NUBPL: variants seen among roughly 807,000 people sequenced by gnomAD.
NUBPL encodes NUBP iron-sulfur cluster assembly factor, mitochondrial.
A neutral mutation model predicts 45.7 loss-of-function variants in NUBPL; 31 were observed. That is an observed-to-expected ratio of 0.68 (90% confidence interval 0.51 to 0.92). The LOEUF (loss-of-function observed/expected upper bound fraction) is 0.92. Among genes scored for constraint, NUBPL ranks in the 40% least tolerant of loss-of-function variants. The pLI is 0.00. For missense variants in NUBPL, 401 were observed against 398.7 expected, an observed-to-expected ratio of 1.01 and a Z score of -0.05; for synonymous variants, 144 against 140.9, an observed-to-expected ratio of 1.02 and a Z score of -0.15.
chr14:31,722,270 A>G (rs1204943689), intron 6 of NUBPL, among the ~76,000 whole-genome samples: 3 of 152,140 alleles, frequency 2.0e-5, no homozygotes, highest in Non-Finnish European at 4.4e-5. Flanking sequence ...TTGGCCTCCC[A>G]AAGTGCTGGG....
chr14:31,757,722 T>A (rs1374424889), intron 6 of NUBPL, among the ~76,000 whole-genome samples: 1 of 152,186 alleles, frequency 6.6e-6, no homozygotes, highest in African/African-American at 2.4e-5. Context: ...TTCTTTTTGC[T>A]TTTTCTTCTT....
rs2035254063 is a variant in NUBPL, at chr14:31,628,109, T to C, written c.382+28730T>C. On this transcript the variant is annotated intron_variant, in intron 4 of 10. Transcript: ENST00000281081. ...GAAAATCCAGCCCCATACAGACATG[T>C]AGTTGTAAAAAAGAAGAATATTTTA... 2.0e-5 allele frequency among the ~76,000 whole-genome samples: 3 copies of C among 152,190 alleles called. No homozygotes were observed. In the South Asian group the frequency reaches 6.2e-4, roughly 31 times the overall value.
intron 6 of NUBPL, among the ~76,000 whole-genome samples, chr14:31,736,415 A>G (rs749753414): frequency 6.6e-6 from 1 of 152,200 alleles, no homozygotes; most frequent in Non-Finnish European, 1.5e-5. Context: ...GGTAACCAGT[A>G]TATGACTTCT....
At chr14:31,564,741 A>G (rs2033391665) in intron 2 of NUBPL, among the ~76,000 whole-genome samples, 1 of 152,186 alleles carries the variant, frequency 6.6e-6, no homozygotes, top group Non-Finnish European at 1.5e-5. Flanking sequence ...TGTAACAGAA[A>G]TGGATTTTTA....
chr14:31,584,674 T>C (rs1333690930), intron 3 of NUBPL, among the ~76,000 whole-genome samples: 1 of 152,196 alleles, frequency 6.6e-6, no homozygotes, highest in Admixed American at 6.5e-5. Context: ...ATTTGCCTAT[T>C]TGGGATATTT....
At chr14:31,652,303 A>G (rs2036028230) in intron 4 of NUBPL, among the ~76,000 whole-genome samples, 1 of 152,190 alleles carries the variant, frequency 6.6e-6, no homozygotes, top group African/African-American at 2.4e-5. Flanking sequence ...AAATGGGAGA[A>G]TGGGGAGATA....
intron 6 of NUBPL, among the ~76,000 whole-genome samples, chr14:31,745,371 G>A (rs538803838): frequency 6.6e-6 from 1 of 150,466 alleles, no homozygotes; most frequent in East Asian, 1.9e-4. Context: ...TCCCTACAAA[G>A]GACATGGACT....
chr14:31,636,311 A>G (rs1202575260), intron 4 of NUBPL, among the ~76,000 whole-genome samples: 5 of 151,766 alleles, frequency 3.3e-5, no homozygotes. Context: ...GCGTTGTTGA[A>G]TTTTGTCAAA....
intron 4 of NUBPL, chr14:31,662,201 G>GCT (rs940486274): frequency 1.1e-4 from 16 of 151,540 alleles, no homozygotes; most frequent in African/African-American, 3.9e-4. Flanking sequence ...ACATTTCTGA[G>GCT]CTTTCAATTT....
intron 3 of NUBPL, among the ~76,000 whole-genome samples, chr14:31,598,536 A>G (rs913447804): frequency 6.6e-6 from 1 of 152,196 alleles, no homozygotes; most frequent in Non-Finnish European, 1.5e-5. Flanking sequence ...AAAAAGAGAC[A>G]TATTTTTTAA....
chr14:31,691,297 A>G (rs1432796142), intron 6 of NUBPL, among the ~76,000 whole-genome samples: 1 of 152,232 alleles, frequency 6.6e-6, no homozygotes, highest in Non-Finnish European at 1.5e-5. Context: ...TTCCTTAATA[A>G]CATTTTCTTT....
At chr14:31,727,276 A>G (rs752198110) in intron 6 of NUBPL, among the ~76,000 whole-genome samples, 4 of 152,212 alleles carry the variant, frequency 2.6e-5, no homozygotes, top group Non-Finnish European at 5.9e-5. Flanking sequence ...AAATATGATG[A>G]ATTCAAGTTG....
chr14:31,685,986 G>T (rs188810426), intron 6 of NUBPL, among the ~76,000 whole-genome samples: 1 of 152,068 alleles, frequency 6.6e-6, no homozygotes, highest in Non-Finnish European at 1.5e-5. Context: ...ATGCTGGTGG[G>T]TCTAAAATCA....
intron 6 of NUBPL, among the ~76,000 whole-genome samples, chr14:31,704,041 C>A (rs903066612): frequency 6.6e-6 from 1 of 152,178 alleles, no homozygotes. Context: ...TAACATTTCC[C>A]TCCTCAAGAG....
chr14:31,609,398 C>T (rs1193192463), intron 4 of NUBPL, among the ~76,000 whole-genome samples: 1 of 152,006 alleles, frequency 6.6e-6, no homozygotes, highest in African/African-American at 2.4e-5. Context: ...ATATATGCAC[C>T]CAACACTGGA....
intron 6 of NUBPL, among the ~76,000 whole-genome samples, chr14:31,747,791 C>CTCTAGCCG (rs1307688997): frequency 6.6e-6 from 1 of 151,836 alleles, no homozygotes; most frequent in East Asian, 1.9e-4. Flanking sequence ...TTTTTAAAGT[C>CTCTAGCCG]TCTATTTCAT....
intron 6 of NUBPL, among the ~76,000 whole-genome samples, chr14:31,712,548 C>T (rs1376982896): frequency 1.3e-5 from 2 of 152,254 alleles, no homozygotes; most frequent in African/African-American, 4.8e-5. Flanking sequence ...AGGGAGCCAG[C>T]TCCGGCCTCG....
intron 10 of NUBPL, among the ~76,000 whole-genome samples, chr14:31,850,517 A>G (rs144709040): frequency 5.7e-4 from 87 of 152,322 alleles, no homozygotes; most frequent in Middle Eastern, 6.8e-3. Flanking sequence ...AGATTATTAT[A>G]TTTCAGTATT....
At chr14:31,693,328 ACTTCAGACGAC>A (rs1273043784) in intron 6 of NUBPL, among the ~76,000 whole-genome samples, 1 of 152,192 alleles carries the variant, frequency 6.6e-6, no homozygotes, top group Non-Finnish European at 1.5e-5. Context: ...TGAGAAAAAT[ACTTCAGACGAC>A]CTTCTTTGTA....
Sources: gnomAD v4.1 joint callset for allele counts (sites outside exome capture counted in the v4.1 genomes callset) on GRCh38, gnomAD v4.1.1 for gene constraint, MANE v1.5 for transcripts, NCBI Gene and HGNC (gene_info 2026-07-23, HGNC 2026-07-21) for gene names.